The following CFAP161 variants were observed in gnomAD, a reference collection of about 807,000 sequenced individuals.
The protein encoded by CFAP161 is cilia- and flagella-associated protein 161.
A neutral mutation model predicts 29.0 loss-of-function variants in CFAP161; 25 were observed. The ratio of observed to expected loss-of-function variants is 0.86; its 90% CI spans 0.63 to 1.20. CFAP161 has a LOEUF of 1.20. CFAP161 is among the 50% of genes most tolerant of loss of function. The pLI is 0.00. For synonymous variants in CFAP161, 116 were observed against 137.4 expected (o/e 0.84, Z 1.09); for missense variants, 367 against 371.9 (o/e 0.99, Z 0.11).
chr15:81,137,573 G>T (rs11636653), intron 3 of CFAP161, among the ~76,000 whole-genome samples: 4,044 of 151,734 alleles, frequency 0.027, 76 homozygotes, highest in Middle Eastern at 0.048. Flanking sequence ...TCCAGCCTGG[G>T]GGAAAAAAAA....
In CFAP161 at chr15:81,134,409, T is replaced by C. The variant is rs1595916580; in HGVS notation, c.69+11T>C. The stretch of plus-strand genomic sequence containing the variant: ...GTCTACCTGGAGGAGGTACGCAGGG[T>C]GTGGCCAGGCGCAGACCCGCAGCTC... On this transcript the variant is annotated intron_variant, in intron 1 of 6. Transcript: ENST00000286732. The C allele has an allele frequency of 1.9e-6, 3 of 1,576,204 alleles. No individual in the cohort carries two copies. The African/African-American group carries it at 4.0e-5, about 21-fold the overall frequency.
At chr15:81,146,338 A>G (rs1895005518) in intron 5 of CFAP161, among the ~76,000 whole-genome samples, 1 of 152,204 alleles carries the variant, frequency 6.6e-6, no homozygotes, top group South Asian at 2.1e-4. Flanking sequence ...CACTTATGAA[A>G]AGTCAGGAAA....
chr15:81,121,277 T>A (rs1479100187), intron 1 of CFAP161, among the ~76,000 whole-genome samples: 2 of 152,180 alleles, frequency 1.3e-5, no homozygotes, highest in Non-Finnish European at 2.9e-5. Flanking sequence ...AGATTCTTTC[T>A]TATTCAAAAT....
At chr15:81,137,648 T>C (rs887440468) in intron 3 of CFAP161, among the ~76,000 whole-genome samples, 2 of 152,182 alleles carry the variant, frequency 1.3e-5, no homozygotes, top group Non-Finnish European at 2.9e-5. Context: ...TTAAGACAAG[T>C]AAAAATTGAT....
intron 1 of CFAP161, among the ~76,000 whole-genome samples, chr15:81,101,410 C>T (rs1052672375): frequency 2.7e-5 from 4 of 150,362 alleles, no homozygotes; most frequent in Non-Finnish European, 4.4e-5. Context: ...ACCTGTAATC[C>T]CGGCTACTTG....
intron 1 of CFAP161, among the ~76,000 whole-genome samples, chr15:81,111,117 C>G (rs1894434806): frequency 6.6e-6 from 1 of 152,186 alleles, no homozygotes; most frequent in Non-Finnish European, 1.5e-5. Context: ...AGTGGGAAAA[C>G]ATTGCTGAAT....
At chr15:81,147,832 A>T (rs1175033421) in intron 5 of CFAP161, 26 bp from the exon 6 acceptor site, 27 of 1,550,426 alleles carry the variant, frequency 1.7e-5, no homozygotes, top group Non-Finnish European at 2.4e-5. Flanking sequence ...TAGAATGCTA[A>T]TAACACATTT....
chr15:81,144,913 C>T (rs1450865342), intron 5 of CFAP161, among the ~76,000 whole-genome samples: 1 of 152,160 alleles, frequency 6.6e-6, no homozygotes, highest in African/African-American at 2.4e-5. Context: ...CTGTGCGACA[C>T]TTTCTCCGGA....
chr15:81,147,297 C>A (rs35000575), intron 5 of CFAP161, among the ~76,000 whole-genome samples: 20,861 of 151,974 alleles, frequency 0.14, 1,634 homozygotes, highest in East Asian at 0.28. Context: ...CCCCCCAGTA[C>A]CCGCTCTTTT....
At chr15:81,144,579 G>C (rs1894973975) in intron 5 of CFAP161, among the ~76,000 whole-genome samples, 1 of 152,162 alleles carries the variant, frequency 6.6e-6, no homozygotes, top group African/African-American at 2.4e-5. Flanking sequence ...CTGGGTGACA[G>C]AGTGAGACTC....
intron 2 of CFAP161, among the ~76,000 whole-genome samples, chr15:81,136,164 C>T (rs543681376): frequency 9.5e-4 from 144 of 152,172 alleles, no homozygotes; most frequent in African/African-American, 2.8e-3. Flanking sequence ...AACAGTCTGC[C>T]CTAAATCATG....
intron 1 of CFAP161, among the ~76,000 whole-genome samples, chr15:81,103,610 A>C (rs1894328426): frequency 6.6e-6 from 1 of 152,194 alleles, no homozygotes; most frequent in African/African-American, 2.4e-5. Flanking sequence ...CGTCCCCCAT[A>C]GCTCGCCATA....
chr15:81,118,725 C>T (rs1036438406), intron 1 of CFAP161, among the ~76,000 whole-genome samples: 2 of 152,240 alleles, frequency 1.3e-5, no homozygotes, highest in African/African-American at 4.8e-5. Flanking sequence ...GACCCGCCAG[C>T]GGAGCCCAGC....
upstream of CFAP161, among the ~76,000 whole-genome samples, chr15:81,133,894 TTGC>T (rs67632824): frequency 0.011 from 1,623 of 149,832 alleles, 9 homozygotes; most frequent in Non-Finnish European, 0.016. Flanking sequence ...TAGGGCGAAA[TTGC>T]TGCTGCTGCT....
At chr15:81,133,218 TATA>T (rs1567156423), upstream of CFAP161, among the ~76,000 whole-genome samples, 14 of 33,416 alleles carry the variant, frequency 4.2e-4, no homozygotes, top group African/African-American at 1.1e-3. Flanking sequence ...TATATATATA[TATA>T]TATGTATTTT....
chr15:81,112,813 A>G (rs564126723), intron 1 of CFAP161, among the ~76,000 whole-genome samples: 1 of 152,342 alleles, frequency 6.6e-6, no homozygotes, highest in South Asian at 2.1e-4. Context: ...AGAAAACAAT[A>G]GCAAATTAAG....
intron 4 of CFAP161, among the ~76,000 whole-genome samples, chr15:81,139,362 A>C (rs531319300): frequency 6.6e-6 from 1 of 152,070 alleles, no homozygotes. Flanking sequence ...AAACTTTGAC[A>C]CCCCACAGAT....
At chr15:81,148,232 T>C (rs752688906) in intron 6 of CFAP161, 106 bp from the exon 7 acceptor site, 55 of 1,149,636 alleles carry the variant, frequency 4.8e-5, no homozygotes, top group Non-Finnish European at 6.4e-5. Flanking sequence ...TAGGGCTTTA[T>C]CTAGCAATCC....
Position 81,146,440 on chromosome 15 carries a change from A to C in CFAP161, c.637-1418A>C, listed in dbSNP as rs150201253. 5.7e-3 allele frequency among the ~76,000 whole-genome samples: 861 copies of C among 152,284 alleles called. 2 individuals are homozygous for C. Among genetic ancestry groups the C allele is most frequent in the Non-Finnish European group, 9.1e-3 (622 of 68,016 alleles). On this transcript the variant is annotated intron_variant, in intron 5 of 6. Transcript: ENST00000286732. Reference sequence around the variant, plus strand: ...TTTTACAAGATAGGACATCATGAAGATACTTCTTTTTTTCCATTAAATAAC... The same window carrying C: ...TTTTACAAGATAGGACATCATGAAGCTACTTCTTTTTTTCCATTAAATAAC...
Sources: allele counts gnomAD v4.1 joint callset (sites outside exome capture counted in the v4.1 genomes callset), GRCh38; gene constraint gnomAD v4.1.1; transcripts MANE v1.5; gene names NCBI Gene and HGNC (gene_info 2026-07-23, HGNC 2026-07-21).